Variants in NFKBIL1 observed in about 807,000 individuals in gnomAD.
The protein encoded by NFKBIL1 is NFKB inhibitor like 1.
A neutral mutation model predicts 45.4 loss-of-function variants in NFKBIL1; 30 were observed. The ratio of observed to expected loss-of-function variants is 0.66; its 90% confidence interval spans 0.49 to 0.90. The LOEUF (loss-of-function observed/expected upper bound fraction) is 0.90, where lower values mean the gene tolerates loss of function less well. Among genes scored for constraint, NFKBIL1 ranks in the 40% least tolerant of loss-of-function variants. The pLI is 0.00. For synonymous variants in NFKBIL1, 179 were observed against 197.3 expected (o/e 0.91, Z 0.78); for missense variants, 434 against 513.4 (o/e 0.85, Z 1.49).
At chr6:31,548,065 A>T (rs1224386860) in intron 1 of NFKBIL1, 98 bp from the exon 2 acceptor site, 1 of 1,487,978 alleles carries the variant, frequency 6.7e-7, no homozygotes, top group East Asian at 2.3e-5. Context: ...TTAAAAAAAG[A>T]CGGAACCAAA....
intron 2 of NFKBIL1, among the ~76,000 whole-genome samples, chr6:31,553,756 C>T (rs1438597649): frequency 3.3e-5 from 5 of 152,076 alleles, no homozygotes; most frequent in African/African-American, 1.2e-4. Context: ...CTCTGCCTCC[C>T]GGGTTCAAGC....
chr6:31,552,909 T>C (rs1410327516), intron 2 of NFKBIL1, among the ~76,000 whole-genome samples: 1 of 151,636 alleles, frequency 6.6e-6, no homozygotes, highest in Non-Finnish European at 1.5e-5. Context: ...TTTCACTGTG[T>C]TGGCCAGGCT....
At chr6:31,549,832 T>C (rs1769329082) in intron 2 of NFKBIL1, among the ~76,000 whole-genome samples, 1 of 152,154 alleles carries the variant, frequency 6.6e-6, no homozygotes, top group African/African-American at 2.4e-5. Flanking sequence ...GTCAGCCCTA[T>C]CAAGTCCCAA....
rs1016973771 is a variant in NFKBIL1 at position 31,557,571 on chromosome 6, C to G, written c.335-57C>G. The G allele has an allele frequency of 2.1e-5, 29 of 1,381,396 alleles. No individual in the cohort carries two copies. Among genetic ancestry groups the G allele is most frequent in the Non-Finnish European group, 2.3e-5 (24 of 1,030,420 alleles). The allele number at this position is 1,381,396 out of a possible 1,614,324, so 85.6% of individuals were successfully genotyped here. Reference sequence around the variant, plus strand: ...TGACCAGCAGGATTCAAGATGGCAGCTCTGCCGAGGAGTGGGAGTCCCAGC... The same window carrying G: ...TGACCAGCAGGATTCAAGATGGCAGGTCTGCCGAGGAGTGGGAGTCCCAGC... On this transcript the variant is annotated intron_variant, in intron 2 of 3. Coordinates refer to ENST00000376148, the MANE Select transcript of NFKBIL1 (RefSeq NM_005007.4). This position sits in a 1 kb window ranked among gnomAD's most constrained non-coding sequence, Gnocchi z 5.4.
At position 31,558,306 on chromosome 6, in the gene NFKBIL1, C is replaced by T. The variant is rs774454136; in HGVS notation, c.841C>T (p.Pro281Ser). 6.3e-7 allele frequency: 1 copy of T among 1,579,524 alleles called. No individual in the cohort carries two copies. Among genetic ancestry groups the T allele is most frequent in the Admixed American group, 1.8e-5 (1 of 54,700 alleles). ...AGAACCCAAGCCAACCAGGGCCGGG[C>T]CCAGGGAAGAGCACCCCAGAGGAGC... Reference protein sequence around the residue: ...DREPKPTRAGPREEHPRGAGR... With the variant: ...DREPKPTRAGSREEHPRGAGR... Residue 281 changes from proline (P) to serine (S), a missense_variant, in exon 4 of 4, where the codon CCC (proline) becomes TCC (serine). By Grantham distance (74) the Pro-to-Ser change is moderately conservative (BLOSUM62 -1). Transcript: ENST00000376148. This position sits in a 1 kb window ranked among gnomAD's most constrained non-coding sequence, Gnocchi z 7.2.
chr6:31,548,054 A>AT, intron 1 of NFKBIL1, 109 bp from the exon 2 acceptor site: 1 of 1,429,022 alleles, frequency 7.0e-7, no homozygotes, highest in South Asian at 1.2e-5. Flanking sequence ...TGCTGAAGAT[A>AT]TTAAAAAAAG....
At chr6:31,547,504 C>T (rs893009013), upstream of NFKBIL1, 2 of 444,708 alleles carry the variant, frequency 4.5e-6, no homozygotes, top group Non-Finnish European at 8.0e-6. Flanking sequence ...CAAGAACTAC[C>T]CGGTCGGGGC....
At chr6:31,549,232 G>T (rs934574164) in intron 2 of NFKBIL1, among the ~76,000 whole-genome samples, 5 of 151,970 alleles carry the variant, frequency 3.3e-5, no homozygotes, top group Admixed American at 6.6e-5. Flanking sequence ...GGCGATTGTT[G>T]TTCCTGTTTC....
At position 31,557,638 on chromosome 6, in the gene NFKBIL1, T is replaced by C. The variant is rs1458390044; in HGVS notation, c.345T>C (p.Asp115=). Residue 115 remains aspartate, a synonymous_variant, in exon 3 of 4, where the codon GAT becomes GAC. Transcript: ENST00000376148. This position sits in a 1 kb window ranked among gnomAD's most constrained non-coding sequence, Gnocchi z 5.4. The part of the protein sequence containing the change: ...AARQGPDAYT[D]FFLPLLSRCP... ...CTCTCCCACCAACAGCCTACACCGA[T>C]TTCTTCCTCCCGCTGCTAAGCCGCT... 1 of 1,531,938 alleles carries C rather than the reference T, an allele frequency of 6.5e-7. No individual in the cohort carries two copies. The highest frequency in any genetic ancestry group is 1.3e-5 in the South Asian group (1 of 78,352). 94.9% of individuals were successfully genotyped at this position (1,531,938 alleles called of 1,614,324 possible).
chr6:31,558,735 A>G lies in NFKBIL1; in HGVS notation c.*124A>G. On this transcript the variant is annotated 3_prime_UTR_variant, in exon 4 of 4. Transcript: ENST00000376148. This position sits in a 1 kb window ranked among gnomAD's most constrained non-coding sequence, Gnocchi z 7.2. ...CTGCTCAGCAGAGGATATGGGTGGG[A>G]GCGAAAGTTGTAACAAGTGGGGGTG... 1 of 809,332 alleles carries G rather than the reference A, an allele frequency of 1.2e-6. No individual in the cohort carries two copies. Among genetic ancestry groups the G allele is most frequent in the Non-Finnish European group, 1.9e-6 (1 of 534,538 alleles). The allele number at this position is 809,332 out of a possible 1,614,324, so 50.1% of individuals were successfully genotyped here. A position where few individuals can be genotyped will look rare whatever the true frequency, so the allele number is the denominator to read the frequency against.
At chr6:31,547,000 T>C, upstream of NFKBIL1, 2 of 174,558 alleles carry the variant, frequency 1.1e-5, no homozygotes, top group Non-Finnish European at 2.4e-5. The surrounding 1 kb of genome is among the most constrained non-coding windows in gnomAD (Gnocchi z 4.1). Flanking sequence ...GCAACCTGTG[T>C]TGGGAAAAGA....
At chr6:31,552,262 T>C (rs1424709935) in intron 2 of NFKBIL1, among the ~76,000 whole-genome samples, 1 of 97,478 alleles carries the variant, frequency 1.0e-5, no homozygotes, top group Non-Finnish European at 2.1e-5. Flanking sequence ...TTGTTTTTGT[T>C]TTCTGTTTTG....
chr6:31,558,542 G>C lies in NFKBIL1; in HGVS notation c.1077G>C (p.Leu359=), dbSNP rs1169389673. 4 of 1,564,510 alleles carry C rather than the reference G, an allele frequency of 2.6e-6. No individual in the cohort carries two copies. Among genetic ancestry groups the C allele is most frequent in the Non-Finnish European group, 3.5e-6 (4 of 1,154,356 alleles). Residue 359 remains leucine, a synonymous_variant, in exon 4 of 4, where the codon CTG becomes CTC. Transcript: ENST00000376148. This position sits in a 1 kb window ranked among gnomAD's most constrained non-coding sequence, Gnocchi z 7.2. ...RFRSQIETWE[L]GRVMGAVTAL... ...GAAGCCAGATTGAGACCTGGGAGCTGGGCCGTGTGATGGGAGCAGTGACAG... is the reference window on the plus strand; with the variant it reads ...GAAGCCAGATTGAGACCTGGGAGCTCGGCCGTGTGATGGGAGCAGTGACAG...
At position 31,558,773 on chromosome 6, in the gene NFKBIL1, C is replaced by G; in HGVS notation, c.*162C>G. 1 of 594,538 alleles carries G rather than the reference C, an allele frequency of 1.7e-6. No individual in the cohort carries two copies. Among genetic ancestry groups the G allele is most frequent in the Non-Finnish European group, 2.9e-6 (1 of 340,994 alleles). The allele number at this position is 594,538 out of a possible 1,614,324, so 36.8% of individuals were successfully genotyped here. A position where few individuals can be genotyped will look rare whatever the true frequency, so the allele number is the denominator to read the frequency against. ...ACAAGTGGGGGTGGGGGGTGCGGGC[C>G]GCCACCACTGCTCCTTGACTCTGCC... On this transcript the variant is annotated 3_prime_UTR_variant, in exon 4 of 4. Transcript: ENST00000376148. This position sits in a 1 kb window ranked among gnomAD's most constrained non-coding sequence, Gnocchi z 7.2.
intron 2 of NFKBIL1, 147 bp downstream of exon 2, chr6:31,548,586 C>G (rs3219183): frequency 0.048 from 40,079 of 843,256 alleles, 1,576 homozygotes; most frequent in South Asian, 0.15. Context: ...TGTCATTTGT[C>G]CCTTTACATT....
In NFKBIL1 at chr6:31,558,157, G is replaced by T; in HGVS notation, c.692G>T (p.Gly231Val). 1.2e-6 allele frequency: 2 copies of T among 1,611,206 alleles called. No individual in the cohort carries two copies. Among genetic ancestry groups the T allele is most frequent in the African/African-American group, 2.7e-5 (2 of 75,042 alleles). Reference protein sequence around the residue: ...EGSRRPPRAEGSSQSWRQQEE... With the variant: ...EGSRRPPRAEVSSQSWRQQEE... ...TCCCGTCGACCCCCACGTGCTGAGG[G>T]CTCCAGCCAGAGCTGGCGACAGCAG... The change falls in exon 4 of 4, where the codon GGC becomes GTC. Residue 231 changes from glycine to valine, a missense_variant. Physicochemically the swap from Gly to Val is moderately radical, Grantham distance 109 (BLOSUM62 -3). This residue lies in a region of NFKBIL1 where 128 missense variants were observed against 106.5 expected (regional missense o/e 1.20). Coordinates refer to ENST00000376148, the MANE Select transcript of NFKBIL1 (RefSeq NM_005007.4). The surrounding 1 kb of genome is among the most constrained non-coding windows in gnomAD (Gnocchi z 7.2).
chr6:31,548,334 G>T lies in NFKBIL1; in HGVS notation c.229G>T (p.Asp77Tyr). 6.2e-7 allele frequency: 1 copy of T among 1,603,760 alleles called. No individual in the cohort carries two copies. The change falls in exon 2 of 4, where the codon GAT (aspartate) becomes TAT (tyrosine). Residue 77 changes from aspartate to tyrosine, a missense_variant. Transcript: ENST00000376148. ...PPLHRACARH[D>Y]APALCLLLRL... ...ACTGCACCGGGCCTGTGCCCGCCAC[G>T]ATGCCCCTGCCCTGTGCCTGCTGCT...
rs866564363 is a variant in NFKBIL1, at chr6:31,554,327, G to A, written c.335-3301G>A. ...CTCAGGAGGCTGAGGTGGGAGGATC[G>A]CTTGAGCCCAGGTGGGGCAGAGTTT... On this transcript the variant is annotated intron_variant, in intron 2 of 3. Coordinates refer to ENST00000376148, the MANE Select transcript of NFKBIL1 (RefSeq NM_005007.4). Among the ~76,000 whole-genome samples the A allele has an allele frequency of 3.3e-5, 5 of 152,114 alleles. No homozygotes were observed. In the South Asian group the frequency reaches 8.3e-4, roughly 25 times the overall value.
intron 2 of NFKBIL1, among the ~76,000 whole-genome samples, chr6:31,550,152 G>T (rs900933400): frequency 1.3e-5 from 2 of 150,846 alleles, no homozygotes; most frequent in Non-Finnish European, 2.9e-5. Flanking sequence ...GGTGAGCCGA[G>T]ATTGCACTAC....
Sources: gnomAD v4.1 joint callset for allele counts (sites outside exome capture counted in the v4.1 genomes callset) on GRCh38, gnomAD v4.1.1 for gene constraint, gnomAD v4.1.1 regional missense constraint, Gnocchi (gnomAD v3.1) non-coding constraint, MANE v1.5 for transcripts, NCBI Gene and HGNC (gene_info 2026-07-23, HGNC 2026-07-21) for gene names.